The following PDZRN4 variants were observed in gnomAD, a reference collection of about 807,000 sequenced individuals.
PDZRN4 encodes PDZ domain containing ring finger 4.
In PDZRN4, 70 loss-of-function variants were observed where a neutral mutation model predicts 99.0. The observed-to-expected ratio is 0.71, with a 90% CI of 0.58 to 0.86. PDZRN4 has a LOEUF of 0.86. PDZRN4 is among the 40% of genes least tolerant of loss of function. The pLI, the probability that PDZRN4 is intolerant of heterozygous loss-of-function variation, is 0.00. For missense variants in PDZRN4, 1,474 were observed against 1,331.2 expected, an observed-to-expected ratio of 1.11 and a Z score of -1.67; for synonymous variants, 551 against 501.6, an observed-to-expected ratio of 1.10 and a Z score of -1.32.
chr12:41,286,406 A>G (rs1397583930), intron 3 of PDZRN4, among the ~76,000 whole-genome samples: 1 of 144,022 alleles, frequency 6.9e-6, no homozygotes, highest in Non-Finnish European at 1.5e-5. Context: ...TTAGCAGCCA[A>G]GGGAGAACTA....
intron 3 of PDZRN4, among the ~76,000 whole-genome samples, chr12:41,196,459 C>T (rs1178662203): frequency 6.6e-6 from 1 of 151,978 alleles, no homozygotes; most frequent in Non-Finnish European, 1.5e-5. Flanking sequence ...AGATGAGGTG[C>T]ATATTTCTAG....
At chr12:41,499,733 C>T (rs970287549) in intron 3 of PDZRN4, among the ~76,000 whole-genome samples, 6 of 152,020 alleles carry the variant, frequency 3.9e-5, no homozygotes, top group Admixed American at 1.3e-4. Context: ...CCTCTTCATA[C>T]GAAAAATTAA....
At chr12:41,466,110 T>C (rs1182317668) in intron 3 of PDZRN4, among the ~76,000 whole-genome samples, 1 of 152,196 alleles carries the variant, frequency 6.6e-6, no homozygotes, top group Non-Finnish European at 1.5e-5. Context: ...CCATATTAAA[T>C]CCAGGCTAGA....
At chr12:41,507,806 G>A (rs1288827616) in intron 4 of PDZRN4, among the ~76,000 whole-genome samples, 2 of 136,508 alleles carry the variant, frequency 1.5e-5, no homozygotes, top group African/African-American at 3.2e-5. Flanking sequence ...ATTTTAAATA[G>A]CCCTTTGTAT....
intron 3 of PDZRN4, among the ~76,000 whole-genome samples, chr12:41,352,337 G>A (rs1380506124): frequency 6.6e-6 from 1 of 152,122 alleles, no homozygotes; most frequent in East Asian, 1.9e-4. Flanking sequence ...GATTTAGATG[G>A]AACAGACTTA....
intron 3 of PDZRN4, among the ~76,000 whole-genome samples, chr12:41,337,473 A>T (rs760590210): frequency 1.3e-5 from 2 of 151,856 alleles, no homozygotes; most frequent in African/African-American, 4.9e-5. Flanking sequence ...TGCGAAGAGG[A>T]TGGGACCTCC....
At chr12:41,438,052 C>A in intron 3 of PDZRN4, 1 of 1,606,034 alleles carries the variant, frequency 6.2e-7, no homozygotes, top group Non-Finnish European at 8.5e-7. Flanking sequence ...AAGAGCCAGG[C>A]TTTGTGTTTG....
At chr12:41,387,104 T>G (rs1447674883) in intron 3 of PDZRN4, among the ~76,000 whole-genome samples, 1 of 151,832 alleles carries the variant, frequency 6.6e-6, no homozygotes, top group African/African-American at 2.4e-5. Flanking sequence ...GGCAATAAAA[T>G]CAAAAATTCA....
rs1367713542 is a variant in PDZRN4, at chr12:41,573,267, C to T, written c.2488C>T (p.Leu830Phe). The T allele has an allele frequency of 6.2e-7, 1 of 1,613,708 alleles. No individual in the cohort carries two copies. Among genetic ancestry groups the T allele is most frequent in the Non-Finnish European group, 8.5e-7 (1 of 1,180,018 alleles). Reference sequence around the variant, plus strand: ...GGCAGTCAGCGAACACATCCCTTACCTCTCTCCTTACCACAGCTCCTCATA... The same window carrying T: ...GGCAGTCAGCGAACACATCCCTTACTTCTCTCCTTACCACAGCTCCTCATA... ...EKAVSEHIPY[L>F]SPYHSSSYRY... Residue 830 changes from leucine (L) to phenylalanine (F), a missense_variant, in exon 10 of 10, where the codon CTC becomes TTC. Leu to Phe is a conservative substitution (Grantham distance 22, BLOSUM62 0). Coordinates refer to ENST00000402685, the MANE Select transcript of PDZRN4 (RefSeq NM_001164595.2).
At chr12:41,346,989 G>T (rs976687047) in intron 3 of PDZRN4, among the ~76,000 whole-genome samples, 3 of 152,064 alleles carry the variant, frequency 2.0e-5, no homozygotes, top group African/African-American at 7.2e-5. Flanking sequence ...TACTTCATTG[G>T]TTTTTATTGC....
rs1939551520 is a variant in PDZRN4 at position 41,574,741 on chromosome 12, C to G, written c.*851C>G. On this transcript the variant is annotated 3_prime_UTR_variant, in exon 10 of 10. Coordinates refer to ENST00000402685, the MANE Select transcript of PDZRN4 (RefSeq NM_001164595.2). ...CAATAAAGTTGTATTGAAACATTCC[C>G]TATAGATCACTGTGTCACATATGCC... Among the ~76,000 whole-genome samples the G allele has an allele frequency of 6.6e-6, 1 of 152,116 alleles. No individual in the cohort carries two copies. The highest frequency in any genetic ancestry group is 1.5e-5 in the Non-Finnish European group (1 of 68,018).
In PDZRN4 at chr12:41,573,052, GTTCCC is replaced by G; in HGVS notation, c.2278_2282del (p.Leu760LysfsTer8). The G allele has an allele frequency of 6.2e-7, 1 of 1,614,126 alleles. No homozygotes were observed. Among genetic ancestry groups the G allele is most frequent in the Non-Finnish European group, 8.5e-7 (1 of 1,180,014 alleles). On this transcript the variant is annotated frameshift_variant, in exon 10 of 10. Coordinates refer to ENST00000402685, the MANE Select transcript of PDZRN4 (RefSeq NM_001164595.2). LOFTEE classifies it high-confidence loss of function. The stretch of plus-strand genomic sequence containing the variant: ...CTCACTGTAGACCGTTCCCCTGACA[GTTCCC>G]TTCCAAGGGTGATCAACCTCACCAA...
chr12:41,406,185 G>C (rs570772175), intron 3 of PDZRN4, among the ~76,000 whole-genome samples: 35 of 151,932 alleles, frequency 2.3e-4, no homozygotes, highest in African/African-American at 8.5e-4. Flanking sequence ...TCTGCCTAAA[G>C]ACTAAAATAC....
At chr12:41,242,519 G>A (rs1372357204) in intron 3 of PDZRN4, among the ~76,000 whole-genome samples, 2 of 152,158 alleles carry the variant, frequency 1.3e-5, no homozygotes, top group Non-Finnish European at 2.9e-5. Flanking sequence ...GGACAAGGGA[G>A]CTCTAAAACT....
intron 7 of PDZRN4, among the ~76,000 whole-genome samples, chr12:41,558,403 A>C (rs75661510): frequency 0.022 from 3,298 of 152,218 alleles, 55 homozygotes; most frequent in African/African-American, 0.047. Context: ...CTTGCCATCT[A>C]CTTCATATCC....
chr12:41,188,368 G>T lies in PDZRN4; in HGVS notation c.-88G>T. ...CCCTCCACTGCCGCCGCCGCGAGAC[G>T]GCTGCCCCGGGGGTGGCCCGGGGAA... is the stretch of plus-strand genomic sequence containing the variant. On this transcript the variant is annotated 5_prime_UTR_variant, in exon 1 of 10. Coordinates refer to ENST00000402685, the MANE Select transcript of PDZRN4 (RefSeq NM_001164595.2). 1.5e-6 allele frequency: 2 copies of T among 1,291,942 alleles called. No individual in the cohort carries two copies. Among genetic ancestry groups the T allele is most frequent in the Non-Finnish European group, 2.1e-6 (2 of 973,476 alleles). The allele number at this position is 1,291,942 out of a possible 1,614,324, so 80.0% of individuals were successfully genotyped here.
intron 3 of PDZRN4, among the ~76,000 whole-genome samples, chr12:41,448,589 T>TA (rs1385645376): frequency 6.6e-5 from 10 of 152,100 alleles, no homozygotes; most frequent in Non-Finnish European, 1.5e-5. Flanking sequence ...ACAAATTGAG[T>TA]CAAAGAATAG....
At chr12:41,318,287 A>G (rs1395896963) in intron 3 of PDZRN4, among the ~76,000 whole-genome samples, 1 of 152,128 alleles carries the variant, frequency 6.6e-6, no homozygotes, top group Non-Finnish European at 1.5e-5. Flanking sequence ...ATATAATTCT[A>G]TTTGCTACCT....
In PDZRN4 at chr12:41,210,989, A is replaced by G. The variant is rs555050144; in HGVS notation, c.843+16801A>G. Among the ~76,000 whole-genome samples, 15 of 152,122 alleles carry G rather than the reference A, an allele frequency of 9.9e-5. No homozygotes were observed. In the South Asian group the frequency reaches 1.9e-3, roughly 19 times the overall value. ...AAGTCAAGCTGTTTATTCAAATGTA[A>G]TTTCTAAAACATTGTCAGTTGTATA... On this transcript the variant is annotated intron_variant, in intron 3 of 9. Transcript: ENST00000402685.
Sources: allele counts gnomAD v4.1 joint callset (sites outside exome capture counted in the v4.1 genomes callset), GRCh38; gene constraint gnomAD v4.1.1; transcripts MANE v1.5; gene names NCBI Gene and HGNC (gene_info 2026-07-23, HGNC 2026-07-21).